The following PLCB4 variants were observed in gnomAD, a reference collection of about 807,000 sequenced individuals.
PLCB4 encodes 1-phosphatidylinositol 4,5-bisphosphate phosphodiesterase beta-4.
In PLCB4, 77 loss-of-function variants were observed where a neutral mutation model predicts 178.8. The observed-to-expected ratio is 0.43, with a 90% CI of 0.36 to 0.52. The LOEUF (loss-of-function observed/expected upper bound fraction) is 0.52, where lower values mean the gene tolerates loss of function less well. Ranked by LOEUF, PLCB4 falls within the 20% of genes least tolerant of loss-of-function variation. PLCB4 has a pLI of 0.00. For synonymous variants in PLCB4, 496 were observed against 490.8 expected (o/e 1.01, Z -0.14); for missense variants, 1,024 against 1,453.4 (o/e 0.70, Z 4.80).
At chr20:9,344,231 T>G (rs915899352) in intron 7 of PLCB4, among the ~76,000 whole-genome samples, 2 of 152,118 alleles carry the variant, frequency 1.3e-5, no homozygotes, top group Non-Finnish European at 2.9e-5. Flanking sequence ...GTCTGTATCG[T>G]GCTCTTTCCC....
At chr20:9,115,691 G>T (rs1342017760) in intron 2 of PLCB4, among the ~76,000 whole-genome samples, 1 of 147,822 alleles carries the variant, frequency 6.8e-6, no homozygotes, top group Non-Finnish European at 1.5e-5. Flanking sequence ...ACTTCTTATA[G>T]TATAATTGAA....
intron 7 of PLCB4, among the ~76,000 whole-genome samples, chr20:9,347,042 C>T (rs1206513639): frequency 6.6e-6 from 1 of 152,174 alleles, no homozygotes; most frequent in Non-Finnish European, 1.5e-5. Context: ...TCTCTGAACT[C>T]TGAATTATTT....
intron 10 of PLCB4, among the ~76,000 whole-genome samples, chr20:9,371,673 G>A (rs1813468960): frequency 6.6e-6 from 1 of 152,140 alleles, no homozygotes; most frequent in African/African-American, 2.4e-5. Flanking sequence ...CACAACATTA[G>A]CATGAATAAT....
intron 24 of PLCB4, among the ~76,000 whole-genome samples, chr20:9,410,098 G>A (rs1447129123): frequency 6.6e-6 from 1 of 152,182 alleles, no homozygotes; most frequent in South Asian, 2.1e-4. Context: ...CCTGCTATGT[G>A]GATTGAGTGG....
Position 9,177,378 on chromosome 20 carries a change from T to C in PLCB4, c.-78-40012T>C, listed in dbSNP as rs567383669. ...AAGATATGATAACTAATTAAACTACTGCTGTTAATTTGTGTCGAATACCAA... is the reference window on the plus strand; with the variant it reads ...AAGATATGATAACTAATTAAACTACCGCTGTTAATTTGTGTCGAATACCAA... On this transcript the variant is annotated intron_variant, in intron 2 of 39. Transcript: ENST00000378473. 3.3e-5 allele frequency among the ~76,000 whole-genome samples: 5 copies of C among 152,330 alleles called. No individual in the cohort carries two copies. In the East Asian group the frequency reaches 9.6e-4, roughly 29 times the overall value.
At chr20:9,412,384 G>A (rs1013174110) in intron 25 of PLCB4, among the ~76,000 whole-genome samples, 3 of 152,074 alleles carry the variant, frequency 2.0e-5, no homozygotes, top group African/African-American at 7.2e-5. Context: ...GCTGCTCCTA[G>A]TTCTTGCTGT....
intron 3 of PLCB4, among the ~76,000 whole-genome samples, chr20:9,304,235 G>A (rs1568554421): frequency 6.6e-6 from 1 of 151,362 alleles, no homozygotes; most frequent in Non-Finnish European, 1.5e-5. Context: ...ATGTATGTGT[G>A]TGTGGGGGGG....
intron 3 of PLCB4, among the ~76,000 whole-genome samples, chr20:9,284,079 G>A (rs748911774): frequency 2.6e-5 from 4 of 151,974 alleles, no homozygotes; most frequent in Non-Finnish European, 5.9e-5. Context: ...CTCTGGTAGA[G>A]GAAAACACAA....
At chr20:9,286,488 T>A (rs1266504720) in intron 3 of PLCB4, among the ~76,000 whole-genome samples, 1 of 152,050 alleles carries the variant, frequency 6.6e-6, no homozygotes, top group Non-Finnish European at 1.5e-5. Context: ...TAAAGCCTTT[T>A]GTCCCATTGT....
At chr20:9,310,132 A>G (rs2094813869) in intron 4 of PLCB4, among the ~76,000 whole-genome samples, 1 of 152,228 alleles carries the variant, frequency 6.6e-6, no homozygotes, top group South Asian at 2.1e-4. Flanking sequence ...CACTCCTATA[A>G]GACTCAGTTC....
intron 38 of PLCB4, among the ~76,000 whole-genome samples, chr20:9,474,401 G>A (rs1232037135): frequency 1.3e-5 from 2 of 152,118 alleles, no homozygotes; most frequent in East Asian, 3.8e-4. Context: ...AGTTCCTATG[G>A]CAACAAGACC....
Position 9,289,141 on chromosome 20 carries a change from A to G in PLCB4, c.-15-18659A>G, listed in dbSNP as rs1476101453. On this transcript the variant is annotated intron_variant, in intron 3 of 39. Coordinates refer to ENST00000378473, the MANE Select transcript of PLCB4 (RefSeq NM_001377142.1). ...CTTGGGGGTTGGTTTCAAATATGGC[A>G]GAATAGAAATAAAAATATATATACA... 2.0e-5 allele frequency among the ~76,000 whole-genome samples: 3 copies of G among 152,128 alleles called. No homozygotes were observed. The East Asian group carries it at 5.8e-4, about 29-fold the overall frequency.
chr20:9,429,815 A>G (rs2148612673), intron 28 of PLCB4, among the ~76,000 whole-genome samples: 1 of 152,354 alleles, frequency 6.6e-6, no homozygotes, highest in South Asian at 2.1e-4. Context: ...TGGCTCCCTA[A>G]TGCTGAGCCC....
chr20:9,320,051 GCA>G (rs985802699), intron 4 of PLCB4, among the ~76,000 whole-genome samples: 5 of 152,154 alleles, frequency 3.3e-5, no homozygotes, highest in African/African-American at 1.2e-4. Flanking sequence ...AGAGGTGAGT[GCA>G]CAGAGTAAAG....
At chr20:9,396,241 C>T (rs1310330391) in intron 19 of PLCB4, among the ~76,000 whole-genome samples, 2 of 152,156 alleles carry the variant, frequency 1.3e-5, no homozygotes, top group African/African-American at 4.8e-5. Flanking sequence ...ATTTTGTAAT[C>T]CCTTTGTATA....
chr20:9,384,263 C>T lies in PLCB4; in HGVS notation c.916C>T (p.Leu306=), dbSNP rs6039452. 6.2e-7 allele frequency: 1 copy of T among 1,614,140 alleles called. No individual in the cohort carries two copies. The highest frequency in any genetic ancestry group is 1.1e-5 in the South Asian group (1 of 91,078). ...LMSDENAPVF[L]DRLELYQEMD... The stretch of plus-strand genomic sequence containing the variant: ...GTCAGATGAAAACGCCCCAGTCTTC[C>T]TAGATCGTTTAGAACTTTACCAAGA... The change falls in exon 14 of 40, where the codon CTA becomes TTA. Residue 306 remains leucine, a synonymous_variant. Transcript: ENST00000378473.
chr20:9,191,682 G>C (rs190803370), intron 2 of PLCB4, among the ~76,000 whole-genome samples: 9 of 152,068 alleles, frequency 5.9e-5, no homozygotes, highest in African/African-American at 1.7e-4. Context: ...GGTCAGTTTT[G>C]TTTGGAAATA....
intron 9 of PLCB4, among the ~76,000 whole-genome samples, chr20:9,368,901 T>A (rs2036005530): frequency 6.6e-6 from 1 of 152,126 alleles, no homozygotes; most frequent in Non-Finnish European, 1.5e-5. Flanking sequence ...AAAAACTCAT[T>A]GAGTACCAGT....
chr20:9,415,283 T>C (rs1469242648), intron 25 of PLCB4, among the ~76,000 whole-genome samples: 1 of 152,252 alleles, frequency 6.6e-6, no homozygotes, highest in Non-Finnish European at 1.5e-5. Context: ...TATTAGGTTC[T>C]ATTTTAATAT....
Sources: allele counts gnomAD v4.1 joint callset (sites outside exome capture counted in the v4.1 genomes callset), GRCh38; gene constraint gnomAD v4.1.1; transcripts MANE v1.5; gene names NCBI Gene and HGNC (gene_info 2026-07-23, HGNC 2026-07-21).